Variants in ZNF214 observed in about 807,000 individuals in gnomAD.
The protein encoded by ZNF214 is BWSCR2-associated zinc finger protein 1.
A neutral mutation model predicts 53.9 loss-of-function variants in ZNF214; 43 were observed. The observed-to-expected ratio is 0.80, with a 90% confidence interval of 0.63 to 1.03. The LOEUF (loss-of-function observed/expected upper bound fraction) is 1.03. Among genes scored for constraint, ZNF214 ranks in the 50% least tolerant of loss-of-function variants. The probability of loss-of-function intolerance (pLI) is 0.00; values close to 1 mark genes in which losing one functional copy is unlikely to be tolerated. For synonymous variants in ZNF214, 217 were observed against 229.5 expected (o/e 0.95, Z 0.49); for missense variants, 724 against 719.1 (o/e 1.01, Z -0.08).
At position 7,000,846 on chromosome 11, in the gene ZNF214, TTCA is replaced by T; in HGVS notation, c.834_836del (p.Asp278del). On this transcript the variant is annotated inframe_deletion, in exon 3 of 3. Coordinates refer to ENST00000278314, the MANE Select transcript of ZNF214 (RefSeq NM_013249.4). ...AGCTCTGATGAAAGTTACCGTCAAC[TTCA>T]TCACATCCGTACAGCTTCTTACCTA... is the stretch of plus-strand genomic sequence containing the variant. 2 of 1,612,614 alleles carry T rather than the reference TTCA, an allele frequency of 1.2e-6. No individual in the cohort carries two copies. Among genetic ancestry groups the T allele is most frequent in the South Asian group, 1.1e-5 (1 of 90,992 alleles).
chr11:6,998,157 G>A lies in ZNF214; in HGVS notation c.*1705C>T, dbSNP rs148086777. 0.012 allele frequency among the ~76,000 whole-genome samples: 1,813 copies of A among 151,958 alleles called. 33 individuals are homozygous for A. Among genetic ancestry groups the A allele is most frequent in the African/African-American group, 0.041 (1,694 of 41,486 alleles). ...CTTTTCAAATCTCAAAATTCTGAAC[G>A]TGCTGCTCCATTGCCTTCTGAGTTA... On this transcript the variant is annotated 3_prime_UTR_variant, in exon 3 of 3. Transcript: ENST00000278314.
At position 7,008,751 on chromosome 11, in the gene ZNF214, A is replaced by C. The variant is rs1414367056; in HGVS notation, c.-20-5896T>G. 2.0e-5 allele frequency among the ~76,000 whole-genome samples: 3 copies of C among 152,182 alleles called. No individual in the cohort carries two copies. In the East Asian group the frequency reaches 5.8e-4, roughly 29 times the overall value. ...CTTCAGGAAAGTTTCAGGATACGAAACCAATATACAAAATTCAGTAGCATT... is the reference window on the plus strand; with the variant it reads ...CTTCAGGAAAGTTTCAGGATACGAACCCAATATACAAAATTCAGTAGCATT... On this transcript the variant is annotated intron_variant, in intron 1 of 2. Transcript: ENST00000278314.
chr11:7,007,343 ATAATT>A (rs1015740442), intron 1 of ZNF214, among the ~76,000 whole-genome samples: 5 of 126,726 alleles, frequency 3.9e-5, no homozygotes, highest in African/African-American at 1.4e-4. Flanking sequence ...ATAAATTTAA[ATAATT>A]TAATATTACA....
At chr11:7,006,048 G>T (rs1320129029) in intron 1 of ZNF214, among the ~76,000 whole-genome samples, 1 of 152,044 alleles carries the variant, frequency 6.6e-6, no homozygotes, top group Non-Finnish European at 1.5e-5. Context: ...CATACTCACT[G>T]ATTCTTACAT....
intron 1 of ZNF214, 95 bp from the exon 2 acceptor site, chr11:7,002,950 C>A: frequency 7.9e-7 from 1 of 1,264,624 alleles, no homozygotes; most frequent in Non-Finnish European, 1.0e-6. Flanking sequence ...ACAAGAACTT[C>A]AGTAAAGGAG....
rs186250929 is a variant in ZNF214 at position 6,997,642 on chromosome 11, T to A, written c.*2220A>T. ...GTCATTCAAAAAGAAAATGTTATTA[T>A]GAGTCCCTGCTATTTAAGATCAGAA... On this transcript the variant is annotated 3_prime_UTR_variant, in exon 3 of 3. Transcript: ENST00000278314. Among the ~76,000 whole-genome samples the A allele has an allele frequency of 6.6e-6, 1 of 150,954 alleles. No homozygotes were observed. The highest frequency in any genetic ancestry group is 1.9e-4 in the East Asian group (1 of 5,144).
rs1215141528 is a variant in ZNF214 at position 7,000,810 on chromosome 11, G to A, written c.873C>T (p.His291=). 6.2e-7 allele frequency: 1 copy of A among 1,611,152 alleles called. No homozygotes were observed. Among genetic ancestry groups the A allele is most frequent in the Non-Finnish European group, 8.5e-7 (1 of 1,179,180 alleles). ...CCCCTATGTGAACTCTCTGATGAAA[G>A]TGAACTCCGGAGCTCTGATGAAAGT... ...DGNFHQSSGV[H]FHQRVHIGEV... is the part of the protein sequence containing the mutation. The change falls in exon 3 of 3, where the codon CAC becomes CAT. Residue 291 remains histidine (H), a synonymous_variant. Transcript: ENST00000278314.
Position 7,001,243 on chromosome 11 carries a change from G to C in ZNF214, c.440C>G (p.Thr147Ser). Residue 147 changes from threonine to serine, a missense_variant, in exon 3 of 3, where the codon ACT (threonine) becomes AGT (serine). Coordinates refer to ENST00000278314, the MANE Select transcript of ZNF214 (RefSeq NM_013249.4). Reference sequence around the variant, plus strand: ...GTAGATTTCTCTACCATAGTCTTGAGTGGTTTTTGTTTCTAAGGACTGCCA... The same window carrying C: ...GTAGATTTCTCTACCATAGTCTTGACTGGTTTTTGTTTCTAAGGACTGCCA... ...MPWQSLETKT[T>S]QDYGREIYMS... is the part of the protein sequence containing the mutation. 6.2e-7 allele frequency: 1 copy of C among 1,613,246 alleles called. No homozygotes were observed. The highest frequency in any genetic ancestry group is 8.5e-7 in the Non-Finnish European group (1 of 1,179,502).
intron 1 of ZNF214, among the ~76,000 whole-genome samples, chr11:7,013,393 C>T (rs1309946886): frequency 6.6e-6 from 1 of 152,206 alleles, no homozygotes; most frequent in East Asian, 1.9e-4. Context: ...GCATAATGTC[C>T]TTTGGAATGT....
At chr11:7,004,660 A>G (rs933267639) in intron 1 of ZNF214, among the ~76,000 whole-genome samples, 4 of 152,096 alleles carry the variant, frequency 2.6e-5, no homozygotes, top group African/African-American at 9.7e-5. Context: ...GGGAAAAGCT[A>G]TATGTCATGT....
intron 1 of ZNF214, among the ~76,000 whole-genome samples, chr11:7,013,924 G>C (rs981121197): frequency 6.6e-6 from 1 of 152,122 alleles, no homozygotes; most frequent in Non-Finnish European, 1.5e-5. Flanking sequence ...TATTGTAATG[G>C]ATGCCAAAAA....
intron 1 of ZNF214, among the ~76,000 whole-genome samples, chr11:7,013,603 G>A (rs1393946611): frequency 6.6e-6 from 1 of 152,196 alleles, no homozygotes; most frequent in African/African-American, 2.4e-5. Flanking sequence ...GGCTCCCAGA[G>A]CTTGGGGCCT....
intron 1 of ZNF214, among the ~76,000 whole-genome samples, chr11:7,007,432 TA>T (rs1220276380): frequency 6.6e-6 from 1 of 151,158 alleles, no homozygotes; most frequent in East Asian, 1.9e-4. Flanking sequence ...GAAAAATATT[TA>T]AAAATACAAG....
At chr11:7,011,693 A>T (rs1851608910) in intron 1 of ZNF214, among the ~76,000 whole-genome samples, 1 of 152,154 alleles carries the variant, frequency 6.6e-6, no homozygotes, top group Non-Finnish European at 1.5e-5. Flanking sequence ...ACTAAGAGCT[A>T]CAAGAATTAG....
intron 2 of ZNF214, among the ~76,000 whole-genome samples, chr11:7,002,480 G>A (rs1047941481): frequency 6.6e-6 from 1 of 151,806 alleles, no homozygotes; most frequent in African/African-American, 2.4e-5. Flanking sequence ...TGTTTTAAGG[G>A]TAATGCAGAG....
At chr11:7,010,185 T>C (rs1331294069) in intron 1 of ZNF214, among the ~76,000 whole-genome samples, 1 of 151,968 alleles carries the variant, frequency 6.6e-6, no homozygotes, top group African/African-American at 2.4e-5. Flanking sequence ...CCATTAACAA[T>C]AGACGGGATA....
At position 6,999,435 on chromosome 11, in the gene ZNF214, T is replaced by C. The variant is rs1224016940; in HGVS notation, c.*427A>G. 6.5e-6 allele frequency: 1 copy of C among 153,616 alleles called. No homozygotes were observed. Among genetic ancestry groups the C allele is most frequent in the Admixed American group, 6.5e-5 (1 of 15,472 alleles). 9.5% of individuals were successfully genotyped at this position (153,616 alleles called of 1,614,324 possible). ...CTTTTCTGTTACTTCCTAGGGAGTT[T>C]TTAGGGGAGTTAAGAGATGTCGTTT... On this transcript the variant is annotated 3_prime_UTR_variant, in exon 3 of 3. Coordinates refer to ENST00000278314, the MANE Select transcript of ZNF214 (RefSeq NM_013249.4).
intron 1 of ZNF214, among the ~76,000 whole-genome samples, chr11:7,014,804 C>CAAAAAAAAAAAA (rs1280725156): frequency 3.1e-5 from 2 of 64,234 alleles, no homozygotes; most frequent in Non-Finnish European, 7.0e-5. Context: ...CTGTCTCTAA[C>CAAAAAAAAAAAA]AAAAAAAAAA....
At chr11:7,004,398 TTCCCAC>T in intron 1 of ZNF214, among the ~76,000 whole-genome samples, 1 of 29,732 alleles carries the variant, frequency 3.4e-5, no homozygotes, top group Non-Finnish European at 1.0e-4. Flanking sequence ...AGTGTACAAC[TTCCCAC>T]TTCAGTACAG....
Sources: allele counts gnomAD v4.1 joint callset (sites outside exome capture counted in the v4.1 genomes callset), GRCh38; gene constraint gnomAD v4.1.1; transcripts MANE v1.5; gene names NCBI Gene and HGNC (gene_info 2026-07-23, HGNC 2026-07-21).